The following CAMK1D variants were observed in gnomAD, a reference collection of about 807,000 sequenced individuals.
The protein encoded by CAMK1D is calcium/calmodulin dependent protein kinase ID, also known as calcium/calmodulin-dependent protein kinase type 1D.
A neutral mutation model predicts 47.7 loss-of-function variants in CAMK1D; 9 were observed. The observed-to-expected ratio is 0.19, with a 90% CI of 0.11 to 0.33. CAMK1D has a LOEUF of 0.33. Among genes scored for constraint, CAMK1D ranks in the 10% least tolerant of loss-of-function variants. The pLI is 1.00. For missense variants in CAMK1D, 291 were observed against 488.7 expected (o/e 0.60, Z 3.81); for synonymous variants, 184 against 184.9 (o/e 0.99, Z 0.04).
intron 2 of CAMK1D, among the ~76,000 whole-genome samples, chr10:12,646,645 T>G (rs910864532): frequency 6.6e-6 from 1 of 151,998 alleles, no homozygotes. Context: ...CATAAGATAT[T>G]GAAATGAAAC....
At chr10:12,685,703 T>G (rs1294282806) in intron 3 of CAMK1D, among the ~76,000 whole-genome samples, 1 of 152,212 alleles carries the variant, frequency 6.6e-6, no homozygotes, top group Admixed American at 6.5e-5. Flanking sequence ...CTCCCTGTTC[T>G]CAATCATCCT....
intron 3 of CAMK1D, among the ~76,000 whole-genome samples, chr10:12,686,251 C>A (rs999774073): frequency 6.6e-6 from 1 of 152,080 alleles, no homozygotes; most frequent in East Asian, 1.9e-4. Flanking sequence ...TGATATGGAA[C>A]GATTGCGAAG....
intron 10 of CAMK1D, among the ~76,000 whole-genome samples, chr10:12,827,045 G>A (rs1346027321): frequency 1.3e-5 from 2 of 152,230 alleles, no homozygotes; most frequent in Non-Finnish European, 2.9e-5. Context: ...CAGCCTCTGA[G>A]GAGCTCCACT....
chr10:12,656,009 T>C (rs1037251349), intron 2 of CAMK1D, among the ~76,000 whole-genome samples: 4 of 152,250 alleles, frequency 2.6e-5, no homozygotes, highest in Admixed American at 6.5e-5. Flanking sequence ...TGCCTCATTA[T>C]AAGTTTAGAT....
intron 1 of CAMK1D, among the ~76,000 whole-genome samples, chr10:12,383,108 T>C (rs1218094270): frequency 2.0e-5 from 3 of 152,186 alleles, no homozygotes; most frequent in African/African-American, 7.2e-5. Flanking sequence ...TCTAATATAA[T>C]TTGTTTAGAG....
intron 1 of CAMK1D, among the ~76,000 whole-genome samples, chr10:12,548,756 C>T (rs150611662): frequency 1.1e-3 from 164 of 151,286 alleles, no homozygotes; most frequent in African/African-American, 3.8e-3. Context: ...TGAGCCACCG[C>T]GCCCGGCCTA....
At chr10:12,538,094 C>T (rs778992052) in intron 1 of CAMK1D, among the ~76,000 whole-genome samples, 53 of 152,280 alleles carry the variant, frequency 3.5e-4, no homozygotes, top group East Asian at 5.8e-4. Context: ...TCCTGTTCTG[C>T]GCACTGTGAG....
chr10:12,801,295 G>GTA (rs1302761160), intron 6 of CAMK1D, among the ~76,000 whole-genome samples: 7 of 108,744 alleles, frequency 6.4e-5, no homozygotes, highest in Admixed American at 3.0e-4. Context: ...CTGTCTGTGT[G>GTA]TGTATCTATC....
intron 3 of CAMK1D, among the ~76,000 whole-genome samples, chr10:12,724,855 G>A (rs1467048700): frequency 2.6e-5 from 4 of 151,310 alleles, no homozygotes; most frequent in African/African-American, 4.9e-5. Flanking sequence ...ACTCCAGCCT[G>A]GGTGACAGAG....
intron 1 of CAMK1D, among the ~76,000 whole-genome samples, chr10:12,445,561 T>C (rs1360270143): frequency 6.6e-6 from 1 of 152,214 alleles, no homozygotes; most frequent in Non-Finnish European, 1.5e-5. Flanking sequence ...ATTCAAAATA[T>C]CACCATCAAG....
At position 12,401,224 on chromosome 10, in the gene CAMK1D, A is replaced by G. The variant is rs192633271; in HGVS notation, c.92+51314A>G. ...TATATATAATATATGTATTATATAT[A>G]TTATATATATATTTTATATATATAT... On this transcript the variant is annotated intron_variant, in intron 1 of 10. Transcript: ENST00000619168. Among the ~76,000 whole-genome samples, 171 of 40,360 alleles carry G rather than the reference A, an allele frequency of 4.2e-3. 19 individuals are homozygous for G. Among genetic ancestry groups the G allele is most frequent in the African/African-American group, 0.02 (164 of 8,270 alleles). The allele number at this position is 40,360 out of a possible 152,430, so 26.5% of individuals were successfully genotyped here. A position where few individuals can be genotyped will look rare whatever the true frequency, so the allele number is the denominator to read the frequency against.
At chr10:12,821,603 G>A (rs758633356) in intron 8 of CAMK1D, among the ~76,000 whole-genome samples, 78 of 152,248 alleles carry the variant, frequency 5.1e-4, no homozygotes, top group Admixed American at 2.9e-3. Context: ...GCTGTGGTCC[G>A]TGAGTGGTGG....
At chr10:12,824,611 C>G in intron 9 of CAMK1D, 59 bp downstream of exon 9, 1 of 1,323,024 alleles carries the variant, frequency 7.6e-7, no homozygotes, top group Non-Finnish European at 1.1e-6. Flanking sequence ...ACTGGCCCTC[C>G]AATCTGAGCA....
At chr10:12,367,000 C>G (rs747901022) in intron 1 of CAMK1D, among the ~76,000 whole-genome samples, 36 of 152,088 alleles carry the variant, frequency 2.4e-4, no homozygotes, top group Non-Finnish European at 4.3e-4. Flanking sequence ...CTCATGGTCC[C>G]CATCTCTATC....
chr10:12,354,446 A>C (rs1837441766), intron 1 of CAMK1D, among the ~76,000 whole-genome samples: 2 of 147,508 alleles, frequency 1.4e-5, no homozygotes, highest in Non-Finnish European at 3.0e-5. Context: ...TTTTTTTTTG[A>C]GATAGAGTCT....
intron 2 of CAMK1D, among the ~76,000 whole-genome samples, chr10:12,592,281 C>G (rs1838020824): frequency 6.6e-6 from 1 of 152,226 alleles, no homozygotes; most frequent in Non-Finnish European, 1.5e-5. Flanking sequence ...GGAATCCATT[C>G]TTCTTTCTTA....
At chr10:12,500,236 A>C (rs910935868) in intron 1 of CAMK1D, among the ~76,000 whole-genome samples, 4 of 152,218 alleles carry the variant, frequency 2.6e-5, no homozygotes, top group African/African-American at 9.6e-5. Context: ...ACTGTACTCC[A>C]GCCTGGGCAA....
intron 1 of CAMK1D, among the ~76,000 whole-genome samples, chr10:12,478,846 A>G (rs966826943): frequency 7.2e-5 from 11 of 152,068 alleles, no homozygotes; most frequent in South Asian, 2.1e-4. Flanking sequence ...GCTGTTTCTG[A>G]GTTACTGCTG....
chr10:12,536,996 A>G (rs950262629), intron 1 of CAMK1D, among the ~76,000 whole-genome samples: 9 of 152,226 alleles, frequency 5.9e-5, no homozygotes, highest in African/African-American at 1.9e-4. Flanking sequence ...TTCTGTAGCC[A>G]TATGACATTC....
Sources: gnomAD v4.1 joint callset for allele counts (sites outside exome capture counted in the v4.1 genomes callset) on GRCh38, gnomAD v4.1.1 for gene constraint, MANE v1.5 for transcripts, NCBI Gene and HGNC (gene_info 2026-07-23, HGNC 2026-07-21) for gene names.